The following GRAMD4 variants were observed in gnomAD, a reference collection of about 807,000 sequenced individuals.
GRAMD4 encodes the protein GRAM domain-containing protein 4.
A neutral mutation model predicts 83.9 loss-of-function variants in GRAMD4; 25 were observed. That is an observed-to-expected ratio of 0.30 (90% confidence interval 0.22 to 0.42). The LOEUF is 0.42. Among genes scored for constraint, GRAMD4 ranks in the 10% least tolerant of loss-of-function variants. The probability of loss-of-function intolerance (pLI) is 1.00; values close to 1 mark genes in which losing one functional copy is unlikely to be tolerated. For missense variants in GRAMD4, 593 were observed against 788.7 expected, an observed-to-expected ratio of 0.75 and a Z score of 2.97; for synonymous variants, 336 against 320.9, an observed-to-expected ratio of 1.05 and a Z score of -0.50.
chr22:46,647,766 A>C (rs2082092239), intron 3 of GRAMD4, among the ~76,000 whole-genome samples: 1 of 152,246 alleles, frequency 6.6e-6, no homozygotes, highest in South Asian at 2.1e-4. Context: ...AAGGTCCTGC[A>C]TGCAGTGGGT....
At chr22:46,651,251 G>C (rs772114407) in intron 3 of GRAMD4, among the ~76,000 whole-genome samples, 3 of 152,224 alleles carry the variant, frequency 2.0e-5, no homozygotes, top group Non-Finnish European at 4.4e-5. Flanking sequence ...TTGGGCCCCT[G>C]GCCTCCCACT....
rs1372728383 is a variant in GRAMD4 at position 46,676,618 on chromosome 22, C to T, written c.1582C>T (p.Leu528Phe). The T allele has an allele frequency of 1.3e-6, 2 of 1,549,312 alleles. No homozygotes were observed. The highest frequency in any genetic ancestry group is 1.7e-6 in the Non-Finnish European group (2 of 1,146,922). The stretch of plus-strand genomic sequence containing the variant: ...CTTTCAGTACAAGGTCCTGTCTGTC[C>T]TCCCAGGCTCAGGCATGGGGATTGC... ...DIQKYKVLSV[L>F]PGSGMGIAVS... Residue 528 changes from leucine to phenylalanine, a missense_variant, in exon 18 of 19, where the codon CTC (leucine) becomes TTC (phenylalanine). By Grantham distance (22) the Leu-to-Phe change is conservative (BLOSUM62 0). Coordinates refer to ENST00000406902, the MANE Select transcript of GRAMD4 (RefSeq NM_015124.5).
intron 1 of GRAMD4, among the ~76,000 whole-genome samples, chr22:46,599,145 C>G (rs1201198626): frequency 6.6e-6 from 1 of 151,954 alleles, no homozygotes; most frequent in Non-Finnish European, 1.5e-5. Flanking sequence ...ATTTTTGGAG[C>G]CTTTGTTAAC....
chr22:46,583,672 C>A (rs141606125), intron 1 of GRAMD4, among the ~76,000 whole-genome samples: 1,687 of 152,340 alleles, frequency 0.011, 11 homozygotes, highest in Non-Finnish European at 0.018. Flanking sequence ...GCGACTGGGG[C>A]CCTGGCTTAG....
At chr22:46,616,919 T>A, upstream of GRAMD4, among the ~76,000 whole-genome samples, 1 of 22,998 alleles carries the variant, frequency 4.3e-5, no homozygotes, top group African/African-American at 1.4e-4. Context: ...TAGGTTCCCC[T>A]GTGCGTATAG....
At chr22:46,657,238 G>A (rs889409163) in intron 3 of GRAMD4, among the ~76,000 whole-genome samples, 9 of 152,204 alleles carry the variant, frequency 5.9e-5, no homozygotes, top group South Asian at 2.1e-4. Context: ...ACCTGTGGGC[G>A]TTCACAGGTG....
At chr22:46,638,487 A>G (rs1053727031) in intron 3 of GRAMD4, among the ~76,000 whole-genome samples, 3 of 152,204 alleles carry the variant, frequency 2.0e-5, no homozygotes, top group Non-Finnish European at 4.4e-5. Flanking sequence ...ACTCTGCAGC[A>G]GTGAGAATGG....
intron 1 of GRAMD4, among the ~76,000 whole-genome samples, chr22:46,587,736 C>T (rs919912736): frequency 3.3e-5 from 5 of 152,030 alleles, no homozygotes; most frequent in African/African-American, 1.2e-4. Context: ...GGCACTGGCC[C>T]GAGGTAGGGT....
At chr22:46,630,023 T>G (rs2081742842) in intron 2 of GRAMD4, among the ~76,000 whole-genome samples, 1 of 151,992 alleles carries the variant, frequency 6.6e-6, no homozygotes. Context: ...CATTTTCTTT[T>G]TCTTATTCTT....
At chr22:46,658,107 A>AGGGG in intron 3 of GRAMD4, 80 bp from the exon 4 acceptor site, 1 of 1,571,016 alleles carries the variant, frequency 6.4e-7, no homozygotes, top group South Asian at 1.1e-5. Context: ...TTTCTGAGTC[A>AGGGG]GGCACCCCTG....
chr22:46,674,779 C>T (rs1369025837), intron 16 of GRAMD4, 29 bp downstream of exon 16: 14 of 1,501,452 alleles, frequency 9.3e-6, no homozygotes, highest in Non-Finnish European at 9.3e-6. Flanking sequence ...CCCTGTGTGG[C>T]TGCAGGGGAG....
At chr22:46,656,115 G>A (rs867765358) in intron 3 of GRAMD4, among the ~76,000 whole-genome samples, 3 of 152,022 alleles carry the variant, frequency 2.0e-5, no homozygotes, top group Admixed American at 1.3e-4. Context: ...GGGGGCTCTC[G>A]GGAGTCCAGG....
At chr22:46,583,336 C>A (rs1443454372) in intron 1 of GRAMD4, among the ~76,000 whole-genome samples, 2 of 152,242 alleles carry the variant, frequency 1.3e-5, no homozygotes, top group African/African-American at 2.4e-5. Context: ...TAACATCTTA[C>A]ATTAGTATGA....
chr22:46,657,704 C>T (rs1034941236), intron 3 of GRAMD4, among the ~76,000 whole-genome samples: 3 of 152,212 alleles, frequency 2.0e-5, no homozygotes. Context: ...GCCCCCTGGC[C>T]AGCTTGAGCT....
chr22:46,644,897 CTTTTTTTTTTTTTTTTTTTTTT>C, intron 3 of GRAMD4, among the ~76,000 whole-genome samples: 1 of 41,014 alleles, frequency 2.4e-5, no homozygotes, highest in African/African-American at 1.1e-4. Flanking sequence ...TGCACATGGC[CTTTTTTTTTTTTTTTTTTTTTT>C]TTTTTTTTTT....
intron 3 of GRAMD4, among the ~76,000 whole-genome samples, chr22:46,645,777 G>A (rs1271977397): frequency 1.3e-5 from 2 of 152,200 alleles, no homozygotes; most frequent in African/African-American, 4.8e-5. Context: ...TGTTAAAGAA[G>A]CACATAAATA....
intron 1 of GRAMD4, 29 bp from the exon 2 acceptor site, chr22:46,626,722 G>A (rs1356158511): frequency 5.2e-5 from 74 of 1,435,058 alleles, no homozygotes; most frequent in East Asian, 1.4e-4. Flanking sequence ...GGTGGCGAGC[G>A]GGAGAGTGAC....
chr22:46,663,287 G>C (rs2082357837), intron 6 of GRAMD4, 115 bp downstream of exon 6: 6 of 1,023,612 alleles, frequency 5.9e-6, no homozygotes, highest in Non-Finnish European at 7.2e-6. Flanking sequence ...CTGTGAGGCT[G>C]CCGAGAGCTC....
Position 46,610,664 on chromosome 22 carries a change from G to A in GRAMD4, c.-49-16087G>A, listed in dbSNP as rs185403032. Among the ~76,000 whole-genome samples the A allele has an allele frequency of 7.2e-5, 11 of 152,354 alleles. No individual in the cohort carries two copies. In the East Asian group the frequency reaches 1.9e-3, roughly 27 times the overall value. On this transcript the variant is annotated intron_variant, in intron 1 of 1. Transcript: ENST00000431155. The stretch of plus-strand genomic sequence containing the variant: ...TTTCAGCTTGTGGGAAATTGGGCAA[G>A]GGCAGTGGCAGGAAGACATGGCGAA...
Sources: gnomAD v4.1 joint callset for allele counts (sites outside exome capture counted in the v4.1 genomes callset) on GRCh38, gnomAD v4.1.1 for gene constraint, MANE v1.5 for transcripts, NCBI Gene and HGNC (gene_info 2026-07-23, HGNC 2026-07-21) for gene names.